Variants in EFCAB6 observed in about 807,000 individuals in gnomAD.
EFCAB6 encodes the protein EF-hand calcium binding domain 6.
A neutral mutation model predicts 169.8 loss-of-function variants in EFCAB6; 156 were observed. That is an observed-to-expected ratio of 0.92 (90% CI 0.81 to 1.05). The LOEUF (loss-of-function observed/expected upper bound fraction) is 1.05, where lower values mean the gene tolerates loss of function less well. EFCAB6 is among the 50% of genes least tolerant of loss of function. The pLI is 0.00. For missense variants in EFCAB6, 1,800 were observed against 1,829.1 expected (o/e 0.98, Z 0.29); for synonymous variants, 698 against 676.4 (o/e 1.03, Z -0.50).
In EFCAB6 at chr22:43,657,318, G is replaced by A. The variant is rs574779156; in HGVS notation, c.1983+9786C>T. Among the ~76,000 whole-genome samples, 20 of 152,018 alleles carry A rather than the reference G, an allele frequency of 1.3e-4. No homozygotes were observed. The East Asian group carries it at 1.9e-3, about 15-fold the overall frequency. ...CTCCCATCCCCCAAAATGACTATAC[G>A]TGTTAGGTCATAATCCACACCTCAG... On this transcript the variant is annotated intron_variant, in intron 17 of 31. Transcript: ENST00000262726.
chr22:43,685,920 C>T (rs2058178064), intron 11 of EFCAB6, among the ~76,000 whole-genome samples: 1 of 151,974 alleles, frequency 6.6e-6, no homozygotes, highest in African/African-American at 2.4e-5. Context: ...CTGAAGTGTT[C>T]TATTGTGTTT....
intron 3 of EFCAB6, among the ~76,000 whole-genome samples, chr22:43,774,475 C>T (rs1442710227): frequency 1.3e-5 from 2 of 151,600 alleles, no homozygotes; most frequent in African/African-American, 4.8e-5. Flanking sequence ...CTGCCATCGG[C>T]GATTCTCCCC....
At chr22:43,569,729 A>C (rs779313835) in intron 26 of EFCAB6, among the ~76,000 whole-genome samples, 4 of 152,168 alleles carry the variant, frequency 2.6e-5, no homozygotes, top group Non-Finnish European at 5.9e-5. Context: ...CCACAGTGCC[A>C]CCCACCTACA....
intron 24 of EFCAB6, among the ~76,000 whole-genome samples, chr22:43,588,323 T>C (rs1486887032): frequency 1.3e-5 from 2 of 152,220 alleles, no homozygotes; most frequent in Non-Finnish European, 2.9e-5. Flanking sequence ...GAGAGACTTA[T>C]CTGGTAAAGA....
Position 43,561,671 on chromosome 22 carries a change from G to A in EFCAB6, c.3421-6575C>T, listed in dbSNP as rs550151990. 1.2e-4 allele frequency among the ~76,000 whole-genome samples: 18 copies of A among 152,280 alleles called. 2 individuals are homozygous for A. Among genetic ancestry groups the A allele is most frequent in the African/African-American group, 2.9e-4 (12 of 41,554 alleles). Reference sequence around the variant, plus strand: ...CACTTTTTAGCAAAGCTGCTCAGCCGCCGCCAGCCTCGCTCGAGTGACTGG... The same window carrying A: ...CACTTTTTAGCAAAGCTGCTCAGCCACCGCCAGCCTCGCTCGAGTGACTGG... On this transcript the variant is annotated intron_variant, in intron 26 of 31. Transcript: ENST00000262726.
Position 43,755,793 on chromosome 22 carries a change from T to C in EFCAB6, c.480A>G (p.Arg160=), listed in dbSNP as rs767601462. 6.2e-7 allele frequency: 1 copy of C among 1,607,452 alleles called. No individual in the cohort carries two copies. The highest frequency in any genetic ancestry group is 8.5e-7 in the Non-Finnish European group (1 of 1,178,156). ...GNEMNCCRTL[R]ELEIQVGEKV... ...TTTCTCCCACTTGGATTTCAAGTTC[T>C]CTTAATGTGCGGCAGCAATTCATTT... Residue 160 remains arginine (R), a synonymous_variant, in exon 6 of 32, where the codon AGA becomes AGG. Transcript: ENST00000262726.
Position 43,554,989 on chromosome 22 carries a change from G to A in EFCAB6, c.3528C>T (p.Ser1176=), listed in dbSNP as rs1249491583. The change falls in exon 27 of 32, where the codon TCC becomes TCT. Residue 1176 remains serine (S), a synonymous_variant. Transcript: ENST00000262726. ...ILARLHKAVT[S]HYHAITQEFE... is the part of the protein sequence containing the mutation. ...ACTCCTGGGTGATGGCATGGTAATG[G>A]GAAGTCACTGCTTTGTGGAGGCGAG... is the stretch of plus-strand genomic sequence containing the variant. 1.9e-6 allele frequency: 3 copies of A among 1,614,072 alleles called. No homozygotes were observed. In the Admixed American group the frequency reaches 5.0e-5, roughly 27 times the overall value.
At chr22:43,609,908 G>A (rs2053186661) in intron 21 of EFCAB6, among the ~76,000 whole-genome samples, 1 of 152,206 alleles carries the variant, frequency 6.6e-6, no homozygotes, top group Non-Finnish European at 1.5e-5. Flanking sequence ...GGGCTGTGAT[G>A]TAGGCAGTGG....
chr22:43,633,834 C>T (rs1236953068), intron 18 of EFCAB6, among the ~76,000 whole-genome samples: 1 of 152,218 alleles, frequency 6.6e-6, no homozygotes, highest in Non-Finnish European at 1.5e-5. Flanking sequence ...TGCAAGTGGC[C>T]TCCCTCTGGT....
At chr22:43,562,123 G>A (rs1338648689) in intron 26 of EFCAB6, among the ~76,000 whole-genome samples, 2 of 152,156 alleles carry the variant, frequency 1.3e-5, no homozygotes, top group African/African-American at 4.8e-5. Flanking sequence ...CCTCAACAGA[G>A]AACCATTTAC....
intron 24 of EFCAB6, among the ~76,000 whole-genome samples, chr22:43,589,147 T>C (rs1384171615): frequency 6.6e-6 from 1 of 151,856 alleles, no homozygotes; most frequent in Non-Finnish European, 1.5e-5. Context: ...CCGGGTGTGG[T>C]GGCTCATGCC....
intron 27 of EFCAB6, among the ~76,000 whole-genome samples, chr22:43,550,771 A>G (rs2048334323): frequency 6.6e-6 from 1 of 152,140 alleles, no homozygotes; most frequent in Non-Finnish European, 1.5e-5. Flanking sequence ...GCTGATCTAA[A>G]TGCTTTGCAA....
At chr22:43,585,703 A>G (rs945151496) in intron 24 of EFCAB6, among the ~76,000 whole-genome samples, 1 of 152,170 alleles carries the variant, frequency 6.6e-6, no homozygotes, top group Non-Finnish European at 1.5e-5. Context: ...ATACCTAAAC[A>G]TACTATATTC....
chr22:43,769,811 T>C (rs1372512489), intron 4 of EFCAB6, among the ~76,000 whole-genome samples: 3 of 151,714 alleles, frequency 2.0e-5, no homozygotes, highest in Admixed American at 2.0e-4. Context: ...ATTAGCGTGA[T>C]CGTGGCTCAC....
At chr22:43,697,445 A>G (rs1365963522) in intron 10 of EFCAB6, among the ~76,000 whole-genome samples, 2 of 152,260 alleles carry the variant, frequency 1.3e-5, no homozygotes, top group African/African-American at 4.8e-5. Context: ...AAATTCTGGA[A>G]GGAAATATAT....
chr22:43,616,294 G>A (rs2053677276), intron 20 of EFCAB6, among the ~76,000 whole-genome samples: 2 of 152,214 alleles, frequency 1.3e-5, no homozygotes, highest in Admixed American at 6.5e-5. Flanking sequence ...AGATAATGGA[G>A]ACTACAGGAA....
chr22:43,784,560 C>CACAT (rs2061962197), intron 2 of EFCAB6, among the ~76,000 whole-genome samples: 2 of 82,288 alleles, frequency 2.4e-5, no homozygotes, highest in Non-Finnish European at 4.4e-5. Context: ...TATATATACA[C>CACAT]ATATATATGT....
At chr22:43,802,985 G>C (rs1323861314) in intron 2 of EFCAB6, among the ~76,000 whole-genome samples, 6 of 152,204 alleles carry the variant, frequency 3.9e-5, no homozygotes, top group African/African-American at 1.4e-4. Flanking sequence ...TTCTAGTTTT[G>C]AGAGACTTCC....
chr22:43,755,732 T>A, intron 6 of EFCAB6, 34 bp downstream of exon 6: 1 of 1,549,958 alleles, frequency 6.5e-7, no homozygotes, highest in South Asian at 1.2e-5. Flanking sequence ...ATGGGTGGGG[T>A]GGGGGGAAAT....
Sources: allele counts gnomAD v4.1 joint callset (sites outside exome capture counted in the v4.1 genomes callset), GRCh38; gene constraint gnomAD v4.1.1; transcripts MANE v1.5; gene names NCBI Gene and HGNC (gene_info 2026-07-23, HGNC 2026-07-21).